Variants in CSF2RB observed in about 807,000 individuals in gnomAD.
The protein encoded by CSF2RB is colony stimulating factor 2 receptor subunit beta.
A neutral mutation model predicts 67.2 loss-of-function variants in CSF2RB; 22 were observed. The ratio of observed to expected loss-of-function variants is 0.33; its 90% CI spans 0.23 to 0.47. The LOEUF (loss-of-function observed/expected upper bound fraction) is 0.47. Among genes scored for constraint, CSF2RB ranks in the 20% least tolerant of loss-of-function variants. The pLI, the probability that CSF2RB is intolerant of heterozygous loss-of-function variation, is 1.00. For synonymous variants in CSF2RB, 507 were observed against 482.9 expected (o/e 1.05, Z -0.65); for missense variants, 1,113 against 1,174.5 (o/e 0.95, Z 0.76).
Position 36,937,553 on chromosome 22 carries a change from A to T in CSF2RB, c.1745A>T (p.Lys582Ile), listed in dbSNP as rs771023441. The change falls in exon 14 of 14, where the codon AAA becomes ATA. Residue 582 changes from lysine (K) to isoleucine (I), a missense_variant. This residue lies in a region of CSF2RB where 554 missense variants were observed against 517.9 expected (regional missense o/e 1.07). Transcript: ENST00000403662. The surrounding 1 kb of genome is among the most constrained non-coding windows in gnomAD (Gnocchi z 4.6). ...GPPAASHTPEKQASSFDFNGP... is the reference protein window; with the variant it reads ...GPPAASHTPEIQASSFDFNGP... ...CCTGCCGCCTCCCACACACCTGAGA[A>T]ACAGGCTTCCAGCTTTGACTTCAAT... 78 of 1,613,138 alleles carry T rather than the reference A, an allele frequency of 4.8e-5. No homozygotes were observed. The highest frequency in any genetic ancestry group is 6.4e-5 in the Non-Finnish European group (76 of 1,179,600).
Position 36,939,060 on chromosome 22 carries a change from C to T in CSF2RB, c.*558C>T, listed in dbSNP as rs372710065. 78 of 688,358 alleles carry T rather than the reference C, an allele frequency of 1.1e-4. 4 individuals carry two copies. The highest frequency in any genetic ancestry group is 5.3e-4 in the Admixed American group (26 of 49,464). The allele number at this position is 688,358 out of a possible 1,614,324, so 42.6% of individuals were successfully genotyped here. On this transcript the variant is annotated 3_prime_UTR_variant, in exon 14 of 14. Transcript: ENST00000403662. ...TGGAAGAGTGGCACAGGACTGGGCA[C>T]GCTCAGTGAGGCTCAGGGAATTCAG...
chr22:36,917,073 T>G (rs949670308), intron 1 of CSF2RB, among the ~76,000 whole-genome samples: 6 of 152,204 alleles, frequency 3.9e-5, no homozygotes, highest in Non-Finnish European at 8.8e-5. Flanking sequence ...CTTTCAGTGA[T>G]GCCAACGTTT....
intron 13 of CSF2RB, among the ~76,000 whole-genome samples, chr22:36,936,962 C>T (rs986335414): frequency 1.3e-5 from 2 of 152,228 alleles, no homozygotes; most frequent in South Asian, 4.1e-4. Flanking sequence ...CTGCAGACTC[C>T]CGGGAACTCG....
Position 36,937,983 on chromosome 22 carries a change from C to G in CSF2RB, c.2175C>G (p.Ala725=), listed in dbSNP as rs1194610380. 2 of 1,614,042 alleles carry G rather than the reference C, an allele frequency of 1.2e-6. No individual in the cohort carries two copies. The highest frequency in any genetic ancestry group is 2.7e-5 in the African/African-American group (2 of 74,910). The change falls in exon 14 of 14, where the codon GCC becomes GCG. Residue 725 remains alanine (A), a synonymous_variant. Coordinates refer to ENST00000403662, the MANE Select transcript of CSF2RB (RefSeq NM_000395.3). The surrounding 1 kb of genome is among the most constrained non-coding windows in gnomAD (Gnocchi z 4.6). ...ADLVFTPNSG[A]SSVSLVPSLG... ...TGGTATTCACCCCAAACTCAGGGGC[C>G]TCGTCTGTCTCCCTAGTTCCCTCTC...
Position 36,929,810 on chromosome 22 carries a change from A to G in CSF2RB, c.718+3A>G, listed in dbSNP as rs531138773. The G allele has an allele frequency of 1.2e-5, 19 of 1,613,306 alleles. No individual in the cohort carries two copies. The African/African-American group carries it at 2.1e-4, about 18-fold the overall frequency. On this transcript the variant is annotated splice_donor_region_variant and intron_variant, in intron 6 of 13. Coordinates refer to ENST00000403662, the MANE Select transcript of CSF2RB (RefSeq NM_000395.3). ...GGTTTGCTGGGACTCCCAGCCAGGTAATGTTGCCAGAGCCCAGGAAATGCC... is the reference window on the plus strand; with the variant it reads ...GGTTTGCTGGGACTCCCAGCCAGGTGATGTTGCCAGAGCCCAGGAAATGCC...
At chr22:36,928,889 T>C (rs931021842) in intron 4 of CSF2RB, among the ~76,000 whole-genome samples, 2 of 152,084 alleles carry the variant, frequency 1.3e-5, no homozygotes. Flanking sequence ...TGGAGGGAAT[T>C]CCACTGAGCT....
At chr22:36,925,599 C>T (rs1465609244) in intron 3 of CSF2RB, among the ~76,000 whole-genome samples, 22 of 152,190 alleles carry the variant, frequency 1.4e-4, no homozygotes, top group Admixed American at 7.9e-4. Context: ...GGCCTTTGCA[C>T]GTGCTGTTCC....
chr22:36,935,301 G>C, intron 10 of CSF2RB, 50 bp from the exon 11 acceptor site: 2 of 1,584,482 alleles, frequency 1.3e-6, no homozygotes. Context: ...CCCTGAGGTC[G>C]ATTTCCCGCC....
chr22:36,935,470 G>A (rs779670365), intron 11 of CSF2RB, 29 bp downstream of exon 11: 3 of 1,610,338 alleles, frequency 1.9e-6, no homozygotes, highest in Non-Finnish European at 2.5e-6. Flanking sequence ...GCTGGAGGTG[G>A]CAGCCGAGAC....
chr22:36,937,285 A>G lies in CSF2RB; in HGVS notation c.1569-92A>G. The G allele has an allele frequency of 8.7e-6, 13 of 1,497,162 alleles. No homozygotes were observed. Among genetic ancestry groups the G allele is most frequent in the Non-Finnish European group, 1.2e-5 (13 of 1,090,352 alleles). 92.7% of individuals were successfully genotyped at this position (1,497,162 alleles called of 1,614,324 possible). On this transcript the variant is annotated intron_variant, in intron 13 of 13. Transcript: ENST00000403662. This position sits in a 1 kb window ranked among gnomAD's most constrained non-coding sequence, Gnocchi z 4.6. The stretch of plus-strand genomic sequence containing the variant: ...ATCTGGGGGACATCAGGGCTTCCAG[A>G]GAACCATCTCCACCCCACCAAGACC...
At position 36,925,994 on chromosome 22, in the gene CSF2RB, C is replaced by A; in HGVS notation, c.208C>A (p.Leu70Met). 6.2e-7 allele frequency: 1 copy of A among 1,614,198 alleles called. No homozygotes were observed. ...TLIRRVNEDL[L>M]EPVSCDLSDD... ...CGTGTCCTCTCCCAACAGGGACCTC[C>A]TGGAGCCAGTGTCCTGTGACCTCAG... The change falls in exon 4 of 14, where the codon CTG (leucine) becomes ATG (methionine). Residue 70 changes from leucine (L) to methionine (M), a missense_variant. Transcript: ENST00000403662.
intron 6 of CSF2RB, among the ~76,000 whole-genome samples, chr22:36,930,057 A>G (rs964989941): frequency 1.3e-5 from 2 of 152,214 alleles, no homozygotes; most frequent in Non-Finnish European, 2.9e-5. Flanking sequence ...AATAACAACA[A>G]CAGTGCTATT....
At chr22:36,924,537 C>T (rs1940964612) in intron 3 of CSF2RB, among the ~76,000 whole-genome samples, 1 of 152,182 alleles carries the variant, frequency 6.6e-6, no homozygotes, top group African/African-American at 2.4e-5. Flanking sequence ...TTCTCTGCTT[C>T]CTTTGACAGC....
intron 3 of CSF2RB, chr22:36,923,757 A>G (rs1429771906): frequency 1.5e-6 from 2 of 1,297,560 alleles, no homozygotes; most frequent in Admixed American, 2.3e-5. Flanking sequence ...TGTCCAGAGT[A>G]GACCAAGGAG....
At chr22:36,926,897 C>T (rs1182212761) in intron 4 of CSF2RB, among the ~76,000 whole-genome samples, 2 of 151,838 alleles carry the variant, frequency 1.3e-5, no homozygotes, top group African/African-American at 4.8e-5. Flanking sequence ...GGCAAAAACC[C>T]ATGCTGGTGG....
Position 36,938,916 on chromosome 22 carries a change from GTTGTGTTGAGGAC to G in CSF2RB, c.*421_*433del, listed in dbSNP as rs947850459. ...GCCTTATCAGACTGAGATGCGGCTG[GTTGTGTTGAGGAC>G]TTGTGTGGGCTGCCTGTCCCCGGCA... On this transcript the variant is annotated 3_prime_UTR_variant, in exon 14 of 14. Transcript: ENST00000403662. 6.8e-6 allele frequency: 4 copies of G among 588,446 alleles called. No individual in the cohort carries two copies. The highest frequency in any genetic ancestry group is 1.9e-5 in the African/African-American group (1 of 53,704). 36.5% of individuals were successfully genotyped at this position (588,446 alleles called of 1,614,324 possible).
chr22:36,939,121 G>A lies in CSF2RB; in HGVS notation c.*619G>A. ...ATTGTCACTCCGAGAAATGGGCATG[G>A]TATTGGGGGTCGGGGGGGCGGTGCA... On this transcript the variant is annotated 3_prime_UTR_variant, in exon 14 of 14. Coordinates refer to ENST00000403662, the MANE Select transcript of CSF2RB (RefSeq NM_000395.3). 1 of 702,302 alleles carries A rather than the reference G, an allele frequency of 1.4e-6. No individual in the cohort carries two copies. The highest frequency in any genetic ancestry group is 1.5e-5 in the South Asian group (1 of 67,570). The allele number at this position is 702,302 out of a possible 1,614,324, so 43.5% of individuals were successfully genotyped here. A position where few individuals can be genotyped will look rare whatever the true frequency, so the allele number is the denominator to read the frequency against.
chr22:36,937,268 GA>G lies in CSF2RB; in HGVS notation c.1569-108del. On this transcript the variant is annotated intron_variant, in intron 13 of 13. Transcript: ENST00000403662. The surrounding 1 kb of genome is among the most constrained non-coding windows in gnomAD (Gnocchi z 4.6). ...CAGGTTCTCTCTGTGAGATCTGGGGGACATCAGGGCTTCCAGAGAACCATCT... is the reference window on the plus strand; with the variant it reads ...CAGGTTCTCTCTGTGAGATCTGGGGGCATCAGGGCTTCCAGAGAACCATCT... The G allele has an allele frequency of 7.4e-7, 1 of 1,359,590 alleles. No individual in the cohort carries two copies. Among genetic ancestry groups the G allele is most frequent in the South Asian group, 1.2e-5 (1 of 82,650 alleles). 84.2% of individuals were successfully genotyped at this position (1,359,590 alleles called of 1,614,324 possible).
intron 3 of CSF2RB, among the ~76,000 whole-genome samples, chr22:36,925,286 C>T (rs1940985974): frequency 6.6e-6 from 1 of 152,232 alleles, no homozygotes; most frequent in Non-Finnish European, 1.5e-5. Context: ...CCTGACCACC[C>T]TGTTGCACGC....
Sources: gnomAD v4.1 joint callset for allele counts (sites outside exome capture counted in the v4.1 genomes callset) on GRCh38, gnomAD v4.1.1 for gene constraint, gnomAD v4.1.1 regional missense constraint, Gnocchi (gnomAD v3.1) non-coding constraint, MANE v1.5 for transcripts, NCBI Gene and HGNC (gene_info 2026-07-23, HGNC 2026-07-21) for gene names.